NTRK3: variants seen among roughly 807,000 people sequenced by gnomAD.
NTRK3 encodes the protein NT-3 growth factor receptor.
A neutral mutation model predicts 91.7 loss-of-function variants in NTRK3; 24 were observed. The ratio of observed to expected loss-of-function variants is 0.26; its 90% CI spans 0.19 to 0.37. The LOEUF (loss-of-function observed/expected upper bound fraction) is 0.37. Among genes scored for constraint, NTRK3 ranks in the 10% least tolerant of loss-of-function variants. NTRK3 has a pLI of 1.00. For synonymous variants in NTRK3, 483 were observed against 404.0 expected (o/e 1.20, Z -2.34); for missense variants, 880 against 1,068.9 (o/e 0.82, Z 2.46).
At chr15:88,032,986 G>T (rs752483865) in exon 14 of NTRK3, 1 of 1,610,066 alleles carries the variant, frequency 6.2e-7, no homozygotes. Context: ...GTGATGCCGT[G>T]GTTGATGTGG....
intron 3 of NTRK3, among the ~76,000 whole-genome samples, chr15:88,230,820 A>C (rs1350460604): frequency 2.6e-5 from 4 of 151,860 alleles, no homozygotes; most frequent in Non-Finnish European, 5.9e-5. Context: ...CCTGTAAATA[A>C]AGACAAAGGT....
chr15:88,137,558 C>T (rs746055683), exon 7 of NTRK3: 1 of 1,613,910 alleles, frequency 6.2e-7, no homozygotes, highest in South Asian at 1.1e-5. Flanking sequence ...TCTGCTCCAA[C>T]TGCCTGTCGG....
At chr15:87,955,846 C>G (rs1567150435) in intron 14 of NTRK3, among the ~76,000 whole-genome samples, 3 of 152,156 alleles carry the variant, frequency 2.0e-5, no homozygotes, top group Admixed American at 6.5e-5. Context: ...TTGGTTCAAT[C>G]CTTTTCATAT....
rs918477808 is a variant in NTRK3 at position 88,138,266 on chromosome 15, C to T, written c.465-705G>A. Among the ~76,000 whole-genome samples the T allele has an allele frequency of 5.3e-5, 8 of 151,818 alleles. No individual in the cohort carries two copies. The East Asian group carries it at 5.8e-4, about 11-fold the overall frequency. On this transcript the variant is annotated intron_variant, in intron 6 of 18. Transcript: ENST00000394480. Reference sequence around the variant, plus strand: ...AAAAATACAAAAACAAAAAATTAGCCGGGCGTGGTGGTGGGCACCTGCAGT... The same window carrying T: ...AAAAATACAAAAACAAAAAATTAGCTGGGCGTGGTGGTGGGCACCTGCAGT...
At chr15:88,015,976 C>A (rs1263090067) in intron 14 of NTRK3, among the ~76,000 whole-genome samples, 1 of 151,304 alleles carries the variant, frequency 6.6e-6, no homozygotes, top group Non-Finnish European at 1.5e-5. Context: ...TACTAGATGA[C>A]AAATTCAGAT....
intron 17 of NTRK3, among the ~76,000 whole-genome samples, chr15:87,898,823 T>TAAAA (rs34425235): frequency 6.7e-4 from 70 of 103,912 alleles, no homozygotes; most frequent in African/African-American, 2.4e-3. Context: ...CTGTCTCTAC[T>TAAAA]AAAAAAAAAA....
intron 1 of NTRK3, 31 bp from the exon 2 acceptor site, chr15:88,256,517 G>C: frequency 2.1e-6 from 1 of 481,880 alleles, no homozygotes; most frequent in Non-Finnish European, 3.5e-6. Context: ...CGGTGGGGAG[G>C]CAAAAAAAAA....
At chr15:87,927,302 A>G (rs1287042677) in intron 17 of NTRK3, 2 of 152,206 alleles carry the variant, frequency 1.3e-5, no homozygotes, top group South Asian at 4.1e-4. Context: ...CATTTCTCAA[A>G]CATTCCATTT....
At chr15:88,084,232 T>C (rs1055460708) in intron 13 of NTRK3, among the ~76,000 whole-genome samples, 8 of 151,820 alleles carry the variant, frequency 5.3e-5, no homozygotes, top group African/African-American at 1.9e-4. Flanking sequence ...CCCAACCAAC[T>C]AAAAGGATGT....
rs374818340 is a variant in NTRK3 at position 88,010,811 on chromosome 15, C to T, written c.1585+22046G>A. 5.3e-5 allele frequency among the ~76,000 whole-genome samples: 8 copies of T among 151,874 alleles called. No homozygotes were observed. The East Asian group carries it at 5.8e-4, about 11-fold the overall frequency. ...CACTAGAAGCAACCTGGGAAACAGC[C>T]GGGCTAATTGTACCACTCACAGACA... is the stretch of plus-strand genomic sequence containing the variant. On this transcript the variant is annotated intron_variant, in intron 14 of 18. Transcript: ENST00000394480.
At chr15:88,166,333 C>G (rs2044942897) in intron 5 of NTRK3, among the ~76,000 whole-genome samples, 1 of 152,232 alleles carries the variant, frequency 6.6e-6, no homozygotes, top group South Asian at 2.1e-4. Flanking sequence ...AGCAGGAGGG[C>G]TGGCAAACAG....
intron 5 of NTRK3, among the ~76,000 whole-genome samples, chr15:88,179,882 G>A (rs1284051778): frequency 1.3e-5 from 2 of 152,224 alleles, no homozygotes; most frequent in African/African-American, 2.4e-5. Context: ...TTATTCATCA[G>A]TGTACAATGA....
intron 13 of NTRK3, among the ~76,000 whole-genome samples, chr15:88,114,009 C>A (rs530519533): frequency 7.8e-4 from 118 of 152,202 alleles, no homozygotes; most frequent in East Asian, 3.9e-3. Context: ...ATCAGTACCC[C>A]CCCCACCACC....
intron 3 of NTRK3, among the ~76,000 whole-genome samples, chr15:88,217,512 G>A (rs2049882794): frequency 6.6e-6 from 1 of 152,076 alleles, no homozygotes; most frequent in South Asian, 2.1e-4. Flanking sequence ...AAATACAAAC[G>A]CTGTCCGATT....
chr15:87,956,696 G>T (rs1193970123), intron 14 of NTRK3, among the ~76,000 whole-genome samples: 1 of 151,562 alleles, frequency 6.6e-6, no homozygotes, highest in Non-Finnish European at 1.5e-5. Context: ...TCAGCCTCCA[G>T]AATAGTTGGG....
At chr15:88,148,357 T>C (rs547458620) in intron 5 of NTRK3, among the ~76,000 whole-genome samples, 4 of 152,322 alleles carry the variant, frequency 2.6e-5, no homozygotes, top group African/African-American at 9.6e-5. Context: ...AAGTTCCCTC[T>C]GGAATCTTAT....
At chr15:88,136,657 C>G (rs376119811) in intron 7 of NTRK3, 48 bp from the exon 8 acceptor site, 15 of 1,591,024 alleles carry the variant, frequency 9.4e-6, no homozygotes, top group Non-Finnish European at 1.3e-5. Context: ...CACTTACTAC[C>G]CAAAGGAAGC....
At chr15:87,933,429 A>G (rs746362667) in intron 15 of NTRK3, among the ~76,000 whole-genome samples, 2 of 152,226 alleles carry the variant, frequency 1.3e-5, no homozygotes, top group African/African-American at 2.4e-5. Context: ...CTCTCCAGTG[A>G]TTTCAAGCTC....
intron 13 of NTRK3, among the ~76,000 whole-genome samples, chr15:88,112,903 G>A (rs546417867): frequency 3.7e-4 from 56 of 152,318 alleles, no homozygotes; most frequent in African/African-American, 1.1e-3. Context: ...GAGGTACAGA[G>A]TTACCCCAGG....
Sources: allele counts gnomAD v4.1 joint callset (sites outside exome capture counted in the v4.1 genomes callset), GRCh38; gene constraint gnomAD v4.1.1; transcripts MANE v1.5; gene names NCBI Gene and HGNC (gene_info 2026-07-23, HGNC 2026-07-21).